Variants in TSG101 observed in about 807,000 individuals in gnomAD.
TSG101 encodes the protein tumor susceptibility 101, also known as tumor susceptibility gene 101 protein.
Under a neutral mutation model 48.5 loss-of-function variants are expected in TSG101, and 19 were observed. The observed-to-expected ratio is 0.39, with a 90% CI of 0.27 to 0.58. The LOEUF (loss-of-function observed/expected upper bound fraction) is 0.58, where lower values mean the gene tolerates loss of function less well. TSG101 is among the 20% of genes least tolerant of loss of function. TSG101 has a pLI of 0.55. For missense variants in TSG101, 365 were observed against 484.4 expected (o/e 0.75, Z 2.31); for synonymous variants, 174 against 169.4 (o/e 1.03, Z -0.21).
Position 18,509,592 on chromosome 11 carries a change from C to T in TSG101, c.431G>A (p.Arg144His), listed in dbSNP as rs376545696. The T allele has an allele frequency of 5.0e-6, 8 of 1,613,730 alleles. No individual in the cohort carries two copies. Among genetic ancestry groups the T allele is most frequent in the African/African-American group, 4.0e-5 (3 of 74,908 alleles). ...VFGDEPPVFS[R>H]PISASYPPYQ... ...TGGCGGATAGGATGCCGAAATAGGA[C>T]GAGAGAAGACTGGAGGTTCATCTCC... is the stretch of plus-strand genomic sequence containing the variant. Residue 144 changes from arginine to histidine, a missense_variant, in exon 5 of 10, where the codon CGT becomes CAT. Transcript: ENST00000251968.
At chr11:18,504,005 G>A (rs987724899) in intron 6 of TSG101, among the ~76,000 whole-genome samples, 8 of 152,000 alleles carry the variant, frequency 5.3e-5, no homozygotes, top group Admixed American at 4.6e-4. Flanking sequence ...GGAGTTCAAG[G>A]CAAGCCTAGA....
chr11:18,490,909 G>T, intron 7 of TSG101: 2 of 405,564 alleles, frequency 4.9e-6, no homozygotes, highest in South Asian at 5.5e-5. Context: ...ATAGCGCTCA[G>T]CCTGCTCAGT....
At chr11:18,499,559 C>A (rs374348782) in intron 7 of TSG101, among the ~76,000 whole-genome samples, 1 of 148,322 alleles carries the variant, frequency 6.7e-6, no homozygotes, top group African/African-American at 2.5e-5. Context: ...TACAGGCGTG[C>A]GCCACCACGC....
intron 7 of TSG101, among the ~76,000 whole-genome samples, chr11:18,500,806 GA>G: frequency 7.4e-6 from 1 of 135,146 alleles, no homozygotes; most frequent in South Asian, 2.3e-4. Flanking sequence ...TTGTTGTGCA[GA>G]AGCTTTTTTT....
intron 3 of TSG101, 49 bp downstream of exon 3, chr11:18,516,050 A>G (rs778495564): frequency 2.0e-6 from 3 of 1,519,110 alleles, no homozygotes; most frequent in Non-Finnish European, 2.7e-6. Flanking sequence ...CAACATATTT[A>G]TTATGTATTC....
chr11:18,517,071 G>A (rs1850190291), intron 2 of TSG101, among the ~76,000 whole-genome samples: 1 of 151,876 alleles, frequency 6.6e-6, no homozygotes. Context: ...ATTGTTTTTT[G>A]GAGACAGGGT....
intron 7 of TSG101, among the ~76,000 whole-genome samples, chr11:18,499,465 T>C (rs1225285575): frequency 1.6e-5 from 2 of 127,030 alleles, no homozygotes; most frequent in Non-Finnish European, 3.2e-5. Flanking sequence ...GGCTGGAGTA[T>C]AGTTGTCTGA....
chr11:18,506,094 G>A (rs1849967536), intron 6 of TSG101, among the ~76,000 whole-genome samples: 1 of 152,028 alleles, frequency 6.6e-6, no homozygotes, highest in Non-Finnish European at 1.5e-5. Context: ...GAAAGTGCTG[G>A]GTAAGATTAC....
In TSG101 at chr11:18,509,677, A is replaced by T. The variant is rs1468977257; in HGVS notation, c.358-12T>A. 1 of 1,575,018 alleles carries T rather than the reference A, an allele frequency of 6.3e-7. No individual in the cohort carries two copies. Among genetic ancestry groups the T allele is most frequent in the African/African-American group, 1.4e-5 (1 of 73,886 alleles). On this transcript the variant is annotated splice_polypyrimidine_tract_variant and intron_variant, in intron 4 of 9. Coordinates refer to ENST00000251968, the MANE Select transcript of TSG101 (RefSeq NM_006292.4). ...AAGTCTGACTGTGGCTACAAAATGA[A>T]AAAAAATTCAAGTCAGCTACAGAGT...
intron 1 of TSG101, among the ~76,000 whole-genome samples, chr11:18,524,911 C>CT (rs35642875): frequency 0.018 from 2,441 of 137,134 alleles, 53 homozygotes; most frequent in African/African-American, 0.056. Context: ...AGGAATAAAT[C>CT]TTTTTTTTTT....
At chr11:18,520,292 C>G (rs1850248228) in intron 1 of TSG101, among the ~76,000 whole-genome samples, 1 of 152,184 alleles carries the variant, frequency 6.6e-6, no homozygotes, top group South Asian at 2.1e-4. Context: ...GGCACAATCA[C>G]AGCTCACTGT....
chr11:18,515,746 T>G (rs1340275415), intron 3 of TSG101, among the ~76,000 whole-genome samples: 1 of 152,262 alleles, frequency 6.6e-6, no homozygotes, highest in Non-Finnish European at 1.5e-5. Flanking sequence ...GTCCTGACTT[T>G]GAAGCCTATA....
chr11:18,521,032 GA>G (rs148238384), intron 1 of TSG101, among the ~76,000 whole-genome samples: 3,937 of 137,602 alleles, frequency 0.029, 119 homozygotes, highest in African/African-American at 0.084. Flanking sequence ...CTCCGTCTTG[GA>G]AAAAAAAAAA....
chr11:18,519,061 C>A (rs1850225748), intron 2 of TSG101, among the ~76,000 whole-genome samples: 1 of 152,070 alleles, frequency 6.6e-6, no homozygotes, highest in African/African-American at 2.4e-5. Flanking sequence ...AGTGCAGTGG[C>A]CCGATCTCGG....
chr11:18,526,647 T>TGG, intron 1 of TSG101, 128 bp downstream of exon 1: 1 of 1,114,984 alleles, frequency 9.0e-7, no homozygotes, highest in Non-Finnish European at 1.2e-6. Flanking sequence ...TCTGAGGAGG[T>TGG]CGCTAAGGAC....
intron 7 of TSG101, among the ~76,000 whole-genome samples, chr11:18,501,050 C>T (rs558584711): frequency 1.2e-4 from 19 of 152,236 alleles, no homozygotes; most frequent in Admixed American, 7.2e-4. Context: ...TCAAATGATT[C>T]GCCCGCCTTG....
At chr11:18,500,672 GGTTT>G (rs920044532) in intron 7 of TSG101, among the ~76,000 whole-genome samples, 11 of 151,914 alleles carry the variant, frequency 7.2e-5, no homozygotes, top group Admixed American at 3.3e-4. Context: ...ACTTTTTAAT[GGTTT>G]GTTTTACTGT....
At chr11:18,526,715 G>C (rs1182019283) in intron 1 of TSG101, 60 bp downstream of exon 1, 37 of 1,571,560 alleles carry the variant, frequency 2.4e-5, no homozygotes, top group Admixed American at 8.7e-5. Flanking sequence ...GGACGGACTC[G>C]ACAGGGCGCG....
At position 18,499,237 on chromosome 11, in the gene TSG101, AATTAT is replaced by A. The variant is rs1247699545; in HGVS notation, c.640+3244_640+3248del. 2.2e-5 allele frequency among the ~76,000 whole-genome samples: 3 copies of A among 137,438 alleles called. No homozygotes were observed. In the East Asian group the frequency reaches 6.0e-4, roughly 27 times the overall value. 90.2% of individuals were successfully genotyped at this position (137,438 alleles called of 152,430 possible). A position where few individuals can be genotyped will look rare whatever the true frequency, so the allele number is the denominator to read the frequency against. On this transcript the variant is annotated intron_variant, in intron 7 of 9. Coordinates refer to ENST00000251968, the MANE Select transcript of TSG101 (RefSeq NM_006292.4). ...ATATATATATTTATATATGATATAT[AATTAT>A]ATATTTATATATTATATATATTTTA...
Sources: allele counts gnomAD v4.1 joint callset (sites outside exome capture counted in the v4.1 genomes callset), GRCh38; gene constraint gnomAD v4.1.1; transcripts MANE v1.5; gene names NCBI Gene and HGNC (gene_info 2026-07-23, HGNC 2026-07-21).